SGCZ: variants seen among roughly 807,000 people sequenced by gnomAD.
SGCZ encodes the protein zeta-sarcoglycan.
Under a neutral mutation model 41.3 loss-of-function variants are expected in SGCZ, and 40 were observed. The observed-to-expected ratio is 0.97, with a 90% CI of 0.75 to 1.26. The LOEUF (loss-of-function observed/expected upper bound fraction) is 1.26, where lower values mean the gene tolerates loss of function less well. Among genes scored for constraint, SGCZ ranks in the 50% most tolerant of loss-of-function variants. The probability of loss-of-function intolerance (pLI) is 0.00; values close to 1 mark genes in which losing one functional copy is unlikely to be tolerated. For synonymous variants in SGCZ, 206 were observed against 137.5 expected (o/e 1.50, Z -3.49); for missense variants, 552 against 369.8 (o/e 1.49, Z -4.04).
At chr8:14,300,735 T>C (rs1801157967) in intron 3 of SGCZ, among the ~76,000 whole-genome samples, 1 of 151,952 alleles carries the variant, frequency 6.6e-6, no homozygotes, top group African/African-American at 2.4e-5. Flanking sequence ...TGATGATCAT[T>C]TTAAAAATTT....
At chr8:14,102,769 T>C (rs1802073463) in intron 6 of SGCZ, among the ~76,000 whole-genome samples, 2 of 152,246 alleles carry the variant, frequency 1.3e-5, no homozygotes, top group Admixed American at 6.5e-5. Context: ...AATTTGCTTA[T>C]GGTTTCTTTT....
chr8:14,133,425 G>C (rs2117062576), intron 5 of SGCZ, among the ~76,000 whole-genome samples: 1 of 152,278 alleles, frequency 6.6e-6, no homozygotes, highest in East Asian at 1.9e-4. Context: ...TTCTGAGACA[G>C]ATGAAACAGA....
chr8:14,331,683 T>A (rs1802330992), intron 2 of SGCZ, among the ~76,000 whole-genome samples: 1 of 152,092 alleles, frequency 6.6e-6, no homozygotes, highest in Admixed American at 6.6e-5. Context: ...TCACCTTTGT[T>A]CTTTGCCAAT....
intron 2 of SGCZ, among the ~76,000 whole-genome samples, chr8:14,328,117 T>C (rs1047811549): frequency 2.0e-5 from 3 of 152,214 alleles, no homozygotes; most frequent in African/African-American, 4.8e-5. Flanking sequence ...CTAGATGAAA[T>C]GATAAAATGT....
At chr8:15,198,137 G>C (rs972970163) in intron 1 of SGCZ, among the ~76,000 whole-genome samples, 2 of 150,918 alleles carry the variant, frequency 1.3e-5, no homozygotes, top group African/African-American at 4.9e-5. Context: ...AAGAGAAACA[G>C]AGACTATATA....
At chr8:14,333,013 G>A (rs1200596787) in intron 2 of SGCZ, among the ~76,000 whole-genome samples, 2 of 151,118 alleles carry the variant, frequency 1.3e-5, no homozygotes, top group African/African-American at 4.9e-5. Flanking sequence ...AGGAACACTT[G>A]GAACACATAC....
rs576301663 is a variant in SGCZ, at chr8:14,232,447, T to C, written c.424+5145A>G. Among the ~76,000 whole-genome samples, 18 of 152,188 alleles carry C rather than the reference T, an allele frequency of 1.2e-4. No individual in the cohort carries two copies. The East Asian group carries it at 2.9e-3, about 24-fold the overall frequency. ...TACAAATATCACTTTGTTTAATTGC[T>C]TGCAAATGACATTCTTCCTTATTAA... On this transcript the variant is annotated intron_variant, in intron 4 of 7. Coordinates refer to ENST00000382080, the MANE Select transcript of SGCZ (RefSeq NM_139167.4).
intron 1 of SGCZ, among the ~76,000 whole-genome samples, chr8:14,753,168 C>G (rs1414090642): frequency 6.6e-6 from 1 of 152,132 alleles, no homozygotes; most frequent in African/African-American, 2.4e-5. Flanking sequence ...TAGCCTGATA[C>G]TTGGCCTGTT....
At chr8:14,108,370 T>C (rs1802272776) in intron 5 of SGCZ, 135 bp from the exon 6 acceptor site, 1 of 690,726 alleles carries the variant, frequency 1.4e-6, no homozygotes, top group East Asian at 2.8e-5. Context: ...TAGTCCGTTT[T>C]CACACTGCTG....
intron 1 of SGCZ, among the ~76,000 whole-genome samples, chr8:14,792,386 G>A (rs1585264132): frequency 6.6e-6 from 1 of 152,010 alleles, no homozygotes; most frequent in Non-Finnish European, 1.5e-5. Context: ...TTGTAGAAAA[G>A]AACTGGGTGT....
intron 1 of SGCZ, among the ~76,000 whole-genome samples, chr8:14,974,562 C>A (rs998172372): frequency 5.3e-5 from 8 of 152,140 alleles, no homozygotes; most frequent in African/African-American, 9.7e-5. Context: ...AAAGCCCAGA[C>A]CACAACCCAC....
intron 5 of SGCZ, among the ~76,000 whole-genome samples, chr8:14,124,563 T>A (rs1002119804): frequency 2.0e-5 from 3 of 152,340 alleles, no homozygotes; most frequent in African/African-American, 7.2e-5. Flanking sequence ...ATTATATTAC[T>A]GTTTTACCAA....
intron 1 of SGCZ, among the ~76,000 whole-genome samples, chr8:15,091,853 G>A (rs1806163861): frequency 6.6e-6 from 1 of 152,044 alleles, no homozygotes; most frequent in Non-Finnish European, 1.5e-5. Flanking sequence ...CCTGGGCTCA[G>A]GTGATCCTCC....
intron 2 of SGCZ, among the ~76,000 whole-genome samples, chr8:14,551,660 A>AGTAT (rs1803872793): frequency 1.5e-5 from 1 of 67,680 alleles, no homozygotes; most frequent in South Asian, 3.4e-4. Context: ...TATATATGAA[A>AGTAT]GTATGTATGT....
chr8:14,626,830 C>T (rs953010266), intron 1 of SGCZ, among the ~76,000 whole-genome samples: 1 of 152,142 alleles, frequency 6.6e-6, no homozygotes, highest in Non-Finnish European at 1.5e-5. Context: ...AACTGAGAGA[C>T]CATCAATTCT....
intron 1 of SGCZ, among the ~76,000 whole-genome samples, chr8:14,776,653 C>A (rs1373081640): frequency 6.6e-6 from 1 of 151,560 alleles, no homozygotes; most frequent in Non-Finnish European, 1.5e-5. Flanking sequence ...ACCACCACGC[C>A]CAGCTAATTT....
chr8:15,152,290 A>AT (rs1799199131), intron 1 of SGCZ, among the ~76,000 whole-genome samples: 1 of 152,226 alleles, frequency 6.6e-6, no homozygotes, highest in Non-Finnish European at 1.5e-5. Context: ...ACTAAGGGTC[A>AT]GAAAAAAATA....
At chr8:14,557,744 C>A (rs1162798675) in intron 1 of SGCZ, among the ~76,000 whole-genome samples, 1 of 151,900 alleles carries the variant, frequency 6.6e-6, no homozygotes, top group Non-Finnish European at 1.5e-5. Context: ...TCTCAGGTCA[C>A]ACCTCAAGGA....
chr8:14,438,891 A>G (rs1800165737), intron 2 of SGCZ, among the ~76,000 whole-genome samples: 1 of 152,042 alleles, frequency 6.6e-6, no homozygotes, highest in Admixed American at 6.6e-5. Context: ...AATGACAGAG[A>G]GTATATTATA....
Sources: gnomAD v4.1 joint callset for allele counts (sites outside exome capture counted in the v4.1 genomes callset) on GRCh38, gnomAD v4.1.1 for gene constraint, MANE v1.5 for transcripts, NCBI Gene and HGNC (gene_info 2026-07-23, HGNC 2026-07-21) for gene names.